The following MLLT1 variants were observed in gnomAD, a reference collection of about 807,000 sequenced individuals.
The protein encoded by MLLT1 is protein ENL.
MLLT1 carries 11 observed loss-of-function variants against 55.1 expected under a neutral mutation model. The ratio of observed to expected loss-of-function variants is 0.20; its 90% confidence interval spans 0.13 to 0.33. MLLT1 has a LOEUF of 0.33. Among genes scored for constraint, MLLT1 ranks in the 10% least tolerant of loss-of-function variants. The pLI is 1.00. For synonymous variants in MLLT1, 323 were observed against 320.1 expected, an observed-to-expected ratio of 1.01 and a Z score of -0.10; for missense variants, 536 against 760.6, an observed-to-expected ratio of 0.70 and a Z score of 3.47.
rs1347441540 is a variant in MLLT1 at position 6,270,622 on chromosome 19, C to T, written c.150G>A (p.Lys50=). 1.2e-6 allele frequency: 2 copies of T among 1,614,086 alleles called. No individual in the cohort carries two copies. The change falls in exon 2 of 12, where the codon AAG becomes AAA. Residue 50 remains lysine, a synonymous_variant. Transcript: ENST00000252674. The surrounding 1 kb of genome is among the most constrained non-coding windows in gnomAD (Gnocchi z 7.1). ...EQCDIQHFVE[K]VVFWLHDSFP... is the part of the protein sequence containing the mutation. ...AGCTGTCGTGCAGCCAGAAGACCAC[C>T]TTCTCCACGAAGTGCTGGATGTCAC...
At chr19:6,278,894 T>C (rs1423042877) in intron 1 of MLLT1, among the ~76,000 whole-genome samples, 1 of 151,612 alleles carries the variant, frequency 6.6e-6, no homozygotes, top group African/African-American at 2.4e-5. Flanking sequence ...GCAGGGTGGG[T>C]CAAAGAAAGA....
rs2090880105 is a variant in MLLT1 at position 6,219,975 on chromosome 19, C to G, written c.1111-1934G>C. Among the ~76,000 whole-genome samples, 1 of 152,238 alleles carries G rather than the reference C, an allele frequency of 6.6e-6. No homozygotes were observed. The highest frequency in any genetic ancestry group is 2.4e-5 in the African/African-American group (1 of 41,470). On this transcript the variant is annotated intron_variant, in intron 6 of 11. Coordinates refer to ENST00000252674, the MANE Select transcript of MLLT1 (RefSeq NM_005934.4). This position sits in a 1 kb window ranked among gnomAD's most constrained non-coding sequence, Gnocchi z 4.5. ...TAAGGTGGTGTGATCAGAAGGGCCA[C>G]CGGAGCACGCCCGGGGCTCAGAGGG... is the stretch of plus-strand genomic sequence containing the variant.
chr19:6,237,111 C>T (rs1421844567), intron 3 of MLLT1, among the ~76,000 whole-genome samples: 2 of 152,274 alleles, frequency 1.3e-5, no homozygotes, highest in Non-Finnish European at 2.9e-5. Context: ...GCCCGCCACG[C>T]CTGCTGGTGC....
rs552359518 is a variant in MLLT1 at position 6,230,174 on chromosome 19, C to T, written c.420+396G>A. On this transcript the variant is annotated intron_variant, in intron 4 of 11. Coordinates refer to ENST00000252674, the MANE Select transcript of MLLT1 (RefSeq NM_005934.4). The surrounding 1 kb of genome is among the most constrained non-coding windows in gnomAD (Gnocchi z 9.0). Reference sequence around the variant, plus strand: ...GCCCTGGTCCCAGAGCTGGCACTGTCGTCTGGCCTCCCGAAGTCAGAGGTG... The same window carrying T: ...GCCCTGGTCCCAGAGCTGGCACTGTTGTCTGGCCTCCCGAAGTCAGAGGTG... Among the ~76,000 whole-genome samples the T allele has an allele frequency of 1.6e-3, 244 of 152,334 alleles. 2 individuals carry two copies. Among genetic ancestry groups the T allele is most frequent in the Non-Finnish European group, 2.1e-3 (142 of 68,014 alleles).
At position 6,219,549 on chromosome 19, in the gene MLLT1, G is replaced by A. The variant is rs2090875452; in HGVS notation, c.1111-1508C>T. On this transcript the variant is annotated intron_variant, in intron 6 of 11. Coordinates refer to ENST00000252674, the MANE Select transcript of MLLT1 (RefSeq NM_005934.4). The surrounding 1 kb of genome is among the most constrained non-coding windows in gnomAD (Gnocchi z 4.5). ...AGGCCTTGCTACTCAGAACAAGGCC[G>A]TCCTATGTCAGCCTCAGTTTTCCCA... 6.6e-6 allele frequency among the ~76,000 whole-genome samples: 1 copy of A among 152,160 alleles called. No homozygotes were observed. Among genetic ancestry groups the A allele is most frequent in the Non-Finnish European group, 1.5e-5 (1 of 68,026 alleles).
At chr19:6,267,036 G>C (rs115317018) in intron 2 of MLLT1, among the ~76,000 whole-genome samples, 4,049 of 152,134 alleles carry the variant, frequency 0.027, 193 homozygotes, top group African/African-American at 0.092. Context: ...AAGCAGAGGC[G>C]GGAGGACTGC....
At chr19:6,274,019 C>G (rs749092903) in intron 1 of MLLT1, among the ~76,000 whole-genome samples, 12 of 152,246 alleles carry the variant, frequency 7.9e-5, no homozygotes, top group Non-Finnish European at 1.6e-4. Flanking sequence ...ATCTTTGCAG[C>G]CGGCAGGCCG....
intron 3 of MLLT1, among the ~76,000 whole-genome samples, chr19:6,257,064 A>G (rs2091263346): frequency 6.6e-6 from 1 of 152,270 alleles, no homozygotes; most frequent in South Asian, 2.1e-4. Context: ...TATAAGGACT[A>G]CAACTATGAA....
intron 3 of MLLT1, among the ~76,000 whole-genome samples, chr19:6,258,735 G>A (rs1213048712): frequency 1.3e-5 from 2 of 152,280 alleles, no homozygotes; most frequent in South Asian, 2.1e-4. Context: ...TAGAGCTGTC[G>A]GAGAAAGCAC....
chr19:6,258,696 G>A (rs1476064652), intron 3 of MLLT1, among the ~76,000 whole-genome samples: 1 of 152,146 alleles, frequency 6.6e-6, no homozygotes, highest in African/African-American at 2.4e-5. Flanking sequence ...AAGTGCACTC[G>A]CTGAAAAACC....
chr19:6,219,065 C>T lies in MLLT1; in HGVS notation c.1111-1024G>A, dbSNP rs1464473838. ...TGAACGGAGTACTGAGCTGGTGGGA[C>T]TCAGGACCTTGAGTGCCTGGGAGCC... On this transcript the variant is annotated intron_variant, in intron 6 of 11. Transcript: ENST00000252674. This position sits in a 1 kb window ranked among gnomAD's most constrained non-coding sequence, Gnocchi z 4.5. Among the ~76,000 whole-genome samples, 1 of 152,150 alleles carries T rather than the reference C, an allele frequency of 6.6e-6. No homozygotes were observed. The highest frequency in any genetic ancestry group is 2.4e-5 in the African/African-American group (1 of 41,432).
rs368668493 is a variant in MLLT1, at chr19:6,267,227, G to C, written c.193+3352C>G. ...AGCGATTCTCCTGCCTCAGCTTCCC[G>C]AGTAGCTGGGACTAAAGGCATGCGC... On this transcript the variant is annotated intron_variant, in intron 2 of 11. Coordinates refer to ENST00000252674, the MANE Select transcript of MLLT1 (RefSeq NM_005934.4). Among the ~76,000 whole-genome samples the C allele has an allele frequency of 2.4e-4, 36 of 152,018 alleles. No individual in the cohort carries two copies. In the East Asian group the frequency reaches 3.5e-3, roughly 15 times the overall value.
At chr19:6,238,459 G>T in intron 3 of MLLT1, among the ~76,000 whole-genome samples, 1 of 152,348 alleles carries the variant, frequency 6.6e-6, no homozygotes, top group Non-Finnish European at 1.5e-5. Context: ...AGAGGAGAAA[G>T]CACCCCATGC....
At chr19:6,269,839 C>T (rs1408110796) in intron 2 of MLLT1, among the ~76,000 whole-genome samples, 3 of 152,232 alleles carry the variant, frequency 2.0e-5, no homozygotes, top group South Asian at 2.1e-4. Context: ...AAGCATTTAT[C>T]GAACCCCTGT....
chr19:6,212,657 A>G lies in MLLT1; in HGVS notation c.*385T>C, dbSNP rs1294678351. The G allele has an allele frequency of 9.0e-7, 1 of 1,109,110 alleles. No individual in the cohort carries two copies. 68.7% of individuals were successfully genotyped at this position (1,109,110 alleles called of 1,614,324 possible). On this transcript the variant is annotated 3_prime_UTR_variant, in exon 12 of 12. Transcript: ENST00000252674. ...ATTCGGGAGGCTGGAGATGCCCCCCAGCCGTCGATCCGCTGCTCAGAAAGG... is the reference window on the plus strand; with the variant it reads ...ATTCGGGAGGCTGGAGATGCCCCCCGGCCGTCGATCCGCTGCTCAGAAAGG...
At chr19:6,218,125 G>T in intron 6 of MLLT1, 84 bp from the exon 7 acceptor site, 1 of 1,509,458 alleles carries the variant, frequency 6.6e-7, no homozygotes. Flanking sequence ...CCCCCTGGCA[G>T]CAGCTACGCT....
At chr19:6,277,720 T>A (rs2091434754) in intron 1 of MLLT1, among the ~76,000 whole-genome samples, 1 of 151,772 alleles carries the variant, frequency 6.6e-6, no homozygotes, top group Non-Finnish European at 1.5e-5. Flanking sequence ...CTAGGACATC[T>A]CCCCCAGGGA....
intron 3 of MLLT1, among the ~76,000 whole-genome samples, chr19:6,249,460 T>C (rs1424737871): frequency 6.6e-6 from 1 of 152,108 alleles, no homozygotes; most frequent in Non-Finnish European, 1.5e-5. Context: ...CCAAGTGCAC[T>C]GAGGAACCGA....
intron 3 of MLLT1, chr19:6,259,799 T>TAAAAAAAAAAAAAAAAAAAAAAA (rs60832951): frequency 1.4e-5 from 1 of 70,136 alleles, no homozygotes; most frequent in Non-Finnish European, 2.6e-5. Flanking sequence ...AAACATGACT[T>TAAAAAAAAAAAAAAAAAAAAAAA]AAAAAAAAAA....
Sources: allele counts gnomAD v4.1 joint callset (sites outside exome capture counted in the v4.1 genomes callset), GRCh38; gene constraint gnomAD v4.1.1; non-coding constraint Gnocchi (gnomAD v3.1); transcripts MANE v1.5; gene names NCBI Gene and HGNC (gene_info 2026-07-23, HGNC 2026-07-21).